Variants in ATP2A3 observed in about 807,000 individuals in gnomAD.
ATP2A3 encodes ATPase sarcoplasmic/endoplasmic reticulum Ca2+ transporting 3, also known as sarcoplasmic/endoplasmic reticulum calcium ATPase 3.
ATP2A3 carries 61 observed loss-of-function variants against 106.8 expected under a neutral mutation model. The ratio of observed to expected loss-of-function variants is 0.57; its 90% CI spans 0.46 to 0.71. The LOEUF (loss-of-function observed/expected upper bound fraction) is 0.71. Ranked by LOEUF, ATP2A3 falls within the 30% of genes least tolerant of loss-of-function variation. The pLI, the probability that ATP2A3 is intolerant of heterozygous loss-of-function variation, is 0.00. For synonymous variants in ATP2A3, 611 were observed against 609.3 expected (o/e 1.00, Z -0.04); for missense variants, 1,201 against 1,423.5 (o/e 0.84, Z 2.52).
In ATP2A3 at chr17:3,955,167, G is replaced by A. The variant is rs1402721915; in HGVS notation, c.119-1457C>T. On this transcript the variant is annotated intron_variant, in intron 1 of 20. Transcript: ENST00000397041. The surrounding 1 kb of genome is among the most constrained non-coding windows in gnomAD (Gnocchi z 4.2). ...TCTCCCCGAAGCTCGTTAGCCATGC[G>A]GAATCTGAGGCCCCGGCCATGGCTG... Among the ~76,000 whole-genome samples the A allele has an allele frequency of 6.6e-6, 1 of 152,240 alleles. No homozygotes were observed. Among genetic ancestry groups the A allele is most frequent in the Non-Finnish European group, 1.5e-5 (1 of 68,044 alleles).
intron 7 of ATP2A3, among the ~76,000 whole-genome samples, chr17:3,950,151 G>A (rs1003670530): frequency 7.1e-5 from 10 of 141,484 alleles, no homozygotes; most frequent in African/African-American, 2.4e-4. Flanking sequence ...AACAGGGCCA[G>A]AAAAAAAAAT....
rs1246573189 is a variant in ATP2A3, at chr17:3,929,799, C to G, written c.2745-354G>C. ...TGACCCCCAGACCCTAATCCTGGACCCCGCTTGGCCCCAGACCTTTGTTCT... is the reference window on the plus strand; with the variant it reads ...TGACCCCCAGACCCTAATCCTGGACGCCGCTTGGCCCCAGACCTTTGTTCT... On this transcript the variant is annotated intron_variant, in intron 18 of 20. Transcript: ENST00000397041. This position sits in a 1 kb window ranked among gnomAD's most constrained non-coding sequence, Gnocchi z 4.3. Among the ~76,000 whole-genome samples, 1 of 151,940 alleles carries G rather than the reference C, an allele frequency of 6.6e-6. No homozygotes were observed.
chr17:3,946,500 A>G (rs766909028), intron 8 of ATP2A3, among the ~76,000 whole-genome samples: 2 of 152,126 alleles, frequency 1.3e-5, no homozygotes, highest in Non-Finnish European at 2.9e-5. Flanking sequence ...GGTTGCAGTG[A>G]GCTCAGATCA....
chr17:3,925,082 G>C lies in ATP2A3; in HGVS notation c.*340C>G, dbSNP rs1048317523. 1.2e-5 allele frequency: 6 copies of C among 516,698 alleles called. No individual in the cohort carries two copies. The Admixed American group carries it at 1.9e-4, about 17-fold the overall frequency. The allele number at this position is 516,698 out of a possible 1,614,324, so 32.0% of individuals were successfully genotyped here. A position where few individuals can be genotyped will look rare whatever the true frequency, so the allele number is the denominator to read the frequency against. On this transcript the variant is annotated 3_prime_UTR_variant, in exon 21 of 21. Transcript: ENST00000397041. This position sits in a 1 kb window ranked among gnomAD's most constrained non-coding sequence, Gnocchi z 4.2. ...CAAGCTCCAGCTGCACTCGTGATTT[G>C]GGGGTGGGGGGGCCCCGGATCTCTG...
At chr17:3,958,779 CACAT>C (rs1361339610) in intron 1 of ATP2A3, among the ~76,000 whole-genome samples, 3 of 137,222 alleles carry the variant, frequency 2.2e-5, no homozygotes, top group Non-Finnish European at 3.1e-5. Context: ...TATATACACA[CACAT>C]ATATATACAC....
chr17:3,940,753 C>T (rs1282681056), intron 14 of ATP2A3, among the ~76,000 whole-genome samples: 1 of 152,206 alleles, frequency 6.6e-6, no homozygotes, highest in African/African-American at 2.4e-5. Flanking sequence ...ACTGATCCGC[C>T]CGCCTCAGCC....
chr17:3,934,144 G>C (rs1211212996), intron 17 of ATP2A3, among the ~76,000 whole-genome samples: 1 of 147,520 alleles, frequency 6.8e-6, no homozygotes, highest in African/African-American at 2.7e-5. Context: ...GGCTGGTCTT[G>C]AACTCCTGAC....
Position 3,947,831 on chromosome 17 carries a change from C to T in ATP2A3, c.655G>A (p.Ala219Thr). ...FSGTNITSGK[A>T]VGVAVATGLH... Reference sequence around the variant, plus strand: ...CCGGTGGCCACGGCCACACCCACCGCTTTGCCCGATGTGATATTGGTGCCC... The same window carrying T: ...CCGGTGGCCACGGCCACACCCACCGTTTTGCCCGATGTGATATTGGTGCCC... Residue 219 changes from alanine to threonine, a missense_variant, in exon 8 of 21, where the codon GCG (alanine) becomes ACG (threonine). Physicochemically the swap from Ala to Thr is moderately conservative, Grantham distance 58. Around this residue, in one of 2 missense-constraint regions of ATP2A3, gnomAD observed 935 missense variants for 1,176.7 expected, o/e 0.79. Coordinates refer to ENST00000397041, the MANE Select transcript of ATP2A3 (RefSeq NM_005173.4). The surrounding 1 kb of genome is among the most constrained non-coding windows in gnomAD (Gnocchi z 7.7). 1 of 1,598,960 alleles carries T rather than the reference C, an allele frequency of 6.3e-7. No individual in the cohort carries two copies. Among genetic ancestry groups the T allele is most frequent in the Non-Finnish European group, 8.5e-7 (1 of 1,179,876 alleles).
At chr17:3,939,537 C>T (rs1424059948) in intron 14 of ATP2A3, among the ~76,000 whole-genome samples, 1 of 151,832 alleles carries the variant, frequency 6.6e-6, no homozygotes, top group African/African-American at 2.4e-5. Context: ...ACTTGTAATC[C>T]CAGCACTTTG....
At position 3,925,140 on chromosome 17, in the gene ATP2A3, C is replaced by T; in HGVS notation, c.*282G>A. 2 of 588,432 alleles carry T rather than the reference C, an allele frequency of 3.4e-6. No individual in the cohort carries two copies. The highest frequency in any genetic ancestry group is 6.0e-6 in the Non-Finnish European group (2 of 331,954). 36.5% of individuals were successfully genotyped at this position (588,432 alleles called of 1,614,324 possible). A position where few individuals can be genotyped will look rare whatever the true frequency, so the allele number is the denominator to read the frequency against. On this transcript the variant is annotated 3_prime_UTR_variant, in exon 21 of 21. Coordinates refer to ENST00000397041, the MANE Select transcript of ATP2A3 (RefSeq NM_005173.4). The surrounding 1 kb of genome is among the most constrained non-coding windows in gnomAD (Gnocchi z 4.2). ...TGCCAGCTCCGGCTTCTTGGCTGCC[C>T]CCTCCCAGCCTGCAGCTCCTGGGCC...
Position 3,942,662 on chromosome 17 carries a change from A to T in ATP2A3, c.1489T>A (p.Tyr497Asn), listed in dbSNP as rs2053851691. 6.2e-7 allele frequency: 1 copy of T among 1,613,634 alleles called. No homozygotes were observed. The highest frequency in any genetic ancestry group is 8.5e-7 in the Non-Finnish European group (1 of 1,179,946). Residue 497 changes from tyrosine (Y) to asparagine (N), a missense_variant, in exon 12 of 21, where the codon TAC (tyrosine) becomes AAC (asparagine). This residue lies in a region of ATP2A3 where 935 missense variants were observed against 1,176.7 expected (regional missense o/e 0.79). Transcript: ENST00000397041. ...FSRDRKSMSV[Y>N]CTPTRPHPTG... Reference sequence around the variant, plus strand: ...GGGTGAGGGCGGGTGGGCGTGCAGTACACGGACATGGATTTCCGGTCTCGG... The same window carrying T: ...GGGTGAGGGCGGGTGGGCGTGCAGTTCACGGACATGGATTTCCGGTCTCGG...
At position 3,963,976 on chromosome 17, in the gene ATP2A3, T is replaced by TCCCAGCC. The variant is rs1182410267; in HGVS notation, c.118+191_118+197dup. On this transcript the variant is annotated intron_variant, in intron 1 of 20. Coordinates refer to ENST00000397041, the MANE Select transcript of ATP2A3 (RefSeq NM_005173.4). ...TCCGGTCTCCCCAGCTGGAACCCGC[T>TCCCAGCC]CCCAGCCCCCAGCCCCCAGCCCCGG... 2.7e-4 allele frequency among the ~76,000 whole-genome samples: 41 copies of TCCCAGCC among 151,912 alleles called. No homozygotes were observed. The South Asian group carries it at 4.2e-3, about 15-fold the overall frequency.
chr17:3,959,447 C>T (rs1378173980), intron 1 of ATP2A3, among the ~76,000 whole-genome samples: 1 of 152,182 alleles, frequency 6.6e-6, no homozygotes, highest in East Asian at 1.9e-4. Context: ...TCAGTTGCTC[C>T]GTGGTGCAGG....
rs1178909260 is a variant in ATP2A3, at chr17:3,930,844, CTGTTAT to C, written c.2611-416_2611-411del. ...ATGAAGGCTACGCAGGCCCTGTTCA[CTGTTAT>C]TAAGATTCCATTTACAGCTGGGCGT... On this transcript the variant is annotated intron_variant, in intron 17 of 20. Transcript: ENST00000397041. This position sits in a 1 kb window ranked among gnomAD's most constrained non-coding sequence, Gnocchi z 5.4. 2 of 336,688 alleles carry C rather than the reference CTGTTAT, an allele frequency of 5.9e-6. No homozygotes were observed. The highest frequency in any genetic ancestry group is 1.5e-4 in the East Asian group (2 of 13,068). 20.9% of individuals were successfully genotyped at this position (336,688 alleles called of 1,614,324 possible). A position where few individuals can be genotyped will look rare whatever the true frequency, so the allele number is the denominator to read the frequency against.
Position 3,924,856 on chromosome 17 carries a change from C to A in ATP2A3, c.*566G>T, listed in dbSNP as rs1159658254. 2.2e-6 allele frequency: 1 copy of A among 456,736 alleles called. No homozygotes were observed. The highest frequency in any genetic ancestry group is 2.3e-5 in the Admixed American group (1 of 42,568). The allele number at this position is 456,736 out of a possible 1,614,324, so 28.3% of individuals were successfully genotyped here. A position where few individuals can be genotyped will look rare whatever the true frequency, so the allele number is the denominator to read the frequency against. ...CTCTCGGGAGCCGACTTTGTGGAAG[C>A]AGAGTGGAGTGGAGGGGGCTGCCCA... On this transcript the variant is annotated 3_prime_UTR_variant, in exon 21 of 21. Transcript: ENST00000397041. The surrounding 1 kb of genome is among the most constrained non-coding windows in gnomAD (Gnocchi z 6.4).
rs1469417578 is a variant in ATP2A3, at chr17:3,964,266, G to A, written c.26C>T (p.Ala9Val). The A allele has an allele frequency of 1.6e-6, 2 of 1,282,774 alleles. No homozygotes were observed. The highest frequency in any genetic ancestry group is 1.0e-6 in the Non-Finnish European group (1 of 1,002,260). The allele number at this position is 1,282,774 out of a possible 1,614,324, so 79.5% of individuals were successfully genotyped here. A position where few individuals can be genotyped will look rare whatever the true frequency, so the allele number is the denominator to read the frequency against. The change falls in exon 1 of 21, where the codon GCC (alanine) becomes GTC (valine). Residue 9 changes from alanine to valine, a missense_variant. This residue lies in a region of ATP2A3 where 266 missense variants were observed against 246.8 expected (regional missense o/e 1.08). Coordinates refer to ENST00000397041, the MANE Select transcript of ATP2A3 (RefSeq NM_005173.4). Reference sequence around the variant, plus strand: ...CGAGAAGTGGCGCAGCACGTCGGCGGCCGGGAGCAGATGCGCCGCCTCCAT... The same window carrying A: ...CGAGAAGTGGCGCAGCACGTCGGCGACCGGGAGCAGATGCGCCGCCTCCAT... MEAAHLLPAADVLRHFSVT... is the reference protein window; with the variant it reads MEAAHLLPVADVLRHFSVT...
At chr17:3,944,882 AGGAGGGGGC>A in intron 9 of ATP2A3, 76 bp from the exon 10 acceptor site, 1 of 875,914 alleles carries the variant, frequency 1.1e-6, no homozygotes, top group Admixed American at 3.4e-5. Flanking sequence ...CCCCGCCCCT[AGGAGGGGGC>A]TCCGCCTCTT....
Position 3,936,864 on chromosome 17 carries a change from AG to A in ATP2A3, c.2322-396del. 2 of 342,900 alleles carry A rather than the reference AG, an allele frequency of 5.8e-6. No individual in the cohort carries two copies. Among genetic ancestry groups the A allele is most frequent in the South Asian group, 2.6e-5 (1 of 39,056 alleles). 21.2% of individuals were successfully genotyped at this position (342,900 alleles called of 1,614,324 possible). ...CCTACATATCTGCCCTGAGGTGCAG[AG>A]ATGCAGAATCCATCCATGTCCAGCA... is the stretch of plus-strand genomic sequence containing the variant. On this transcript the variant is annotated intron_variant, in intron 15 of 20. Coordinates refer to ENST00000397041, the MANE Select transcript of ATP2A3 (RefSeq NM_005173.4). This position sits in a 1 kb window ranked among gnomAD's most constrained non-coding sequence, Gnocchi z 5.4.
chr17:3,941,801 T>A (rs1037785206), intron 12 of ATP2A3, 147 bp from the exon 13 acceptor site: 19 of 846,448 alleles, frequency 2.2e-5, no homozygotes, highest in Middle Eastern at 3.3e-4. Context: ...ATCCATTCAC[T>A]GAAAGTTCAG....
Sources: gnomAD v4.1 joint callset for allele counts (sites outside exome capture counted in the v4.1 genomes callset) on GRCh38, gnomAD v4.1.1 for gene constraint, gnomAD v4.1.1 regional missense constraint, Gnocchi (gnomAD v3.1) non-coding constraint, MANE v1.5 for transcripts, NCBI Gene and HGNC (gene_info 2026-07-23, HGNC 2026-07-21) for gene names.